The following NRG3 variants were observed in gnomAD, a reference collection of about 807,000 sequenced individuals.
NRG3 encodes pro-neuregulin-3, membrane-bound isoform.
A neutral mutation model predicts 66.9 loss-of-function variants in NRG3; 31 were observed. That is an observed-to-expected ratio of 0.46 (90% CI 0.35 to 0.63). The LOEUF is 0.63. NRG3 is among the 20% of genes least tolerant of loss of function. The probability of loss-of-function intolerance (pLI) is 0.00; values close to 1 mark genes in which losing one functional copy is unlikely to be tolerated. For synonymous variants in NRG3, 393 were observed against 359.4 expected, an observed-to-expected ratio of 1.09 and a Z score of -1.06; for missense variants, 910 against 878.9, an observed-to-expected ratio of 1.04 and a Z score of -0.45.
intron 2 of NRG3, among the ~76,000 whole-genome samples, chr10:82,359,964 G>A (rs1168667534): frequency 6.6e-6 from 1 of 152,122 alleles, no homozygotes; most frequent in Non-Finnish European, 1.5e-5. Context: ...GCCACACTGA[G>A]CAATGGCACA....
intron 4 of NRG3, among the ~76,000 whole-genome samples, chr10:82,877,780 G>A (rs1304668815): frequency 2.0e-5 from 3 of 152,256 alleles, no homozygotes; most frequent in African/African-American, 7.2e-5. Context: ...GTCAGATGAA[G>A]ATGTCCCAAA....
intron 1 of NRG3, among the ~76,000 whole-genome samples, chr10:81,948,231 A>C (rs1849021498): frequency 6.6e-6 from 1 of 152,282 alleles, no homozygotes; most frequent in South Asian, 2.1e-4. Context: ...TCACAACAAC[A>C]TTGAGGGAAA....
rs763127200 is a variant in NRG3 at position 82,358,726 on chromosome 10, C to T, written c.824-13C>T. 1 of 1,614,024 alleles carries T rather than the reference C, an allele frequency of 6.2e-7. No homozygotes were observed. The highest frequency in any genetic ancestry group is 1.1e-5 in the South Asian group (1 of 91,076). On this transcript the variant is annotated splice_polypyrimidine_tract_variant and intron_variant, in intron 1 of 8. Transcript: ENST00000372141. ...ACTGCTGACAGCGTTTCCCCCTGTG[C>T]TTTCCCTGACAGATACGACGACATA...
At chr10:82,034,568 G>A (rs975025618) in intron 1 of NRG3, among the ~76,000 whole-genome samples, 1 of 151,928 alleles carries the variant, frequency 6.6e-6, no homozygotes, top group Non-Finnish European at 1.5e-5. Flanking sequence ...TGATTTCATA[G>A]AGCTGAGGTG....
chr10:82,098,357 A>G (rs2066508329), intron 1 of NRG3, among the ~76,000 whole-genome samples: 1 of 151,982 alleles, frequency 6.6e-6, no homozygotes, highest in South Asian at 2.1e-4. Flanking sequence ...TGACATCTAT[A>G]TGACATCTGT....
At chr10:82,833,902 C>T (rs955544184) in intron 3 of NRG3, among the ~76,000 whole-genome samples, 1 of 152,124 alleles carries the variant, frequency 6.6e-6, no homozygotes, top group African/African-American at 2.4e-5. Context: ...ATTTAATATT[C>T]CTGTCTCTTA....
chr10:82,886,673 A>G (rs1842743274), intron 4 of NRG3, among the ~76,000 whole-genome samples: 2 of 152,180 alleles, frequency 1.3e-5, no homozygotes, highest in Non-Finnish European at 1.5e-5. Context: ...TCAGTCTGTA[A>G]TCCAGATTCT....
intron 1 of NRG3, among the ~76,000 whole-genome samples, chr10:82,179,974 CTAAG>C (rs1410597117): frequency 4.0e-5 from 6 of 151,524 alleles, no homozygotes; most frequent in South Asian, 2.1e-4. Flanking sequence ...AACTTTATTC[CTAAG>C]TGTTTTATTA....
Position 82,541,498 on chromosome 10 carries a change from G to A in NRG3, c.953+182630G>A, listed in dbSNP as rs1001735149. 3.3e-5 allele frequency among the ~76,000 whole-genome samples: 5 copies of A among 152,208 alleles called. No homozygotes were observed. In the East Asian group the frequency reaches 9.7e-4, roughly 30 times the overall value. On this transcript the variant is annotated intron_variant, in intron 2 of 8. Coordinates refer to ENST00000372141, the MANE Select transcript of NRG3 (RefSeq NM_001010848.4). ...ATGTGAGAGGGTCGTGATCGATTGA[G>A]CAAGCAGGGGGTACGTGACTGGGGG...
chr10:82,471,163 A>T (rs1377920882), intron 2 of NRG3, among the ~76,000 whole-genome samples: 1 of 152,152 alleles, frequency 6.6e-6, no homozygotes, highest in Non-Finnish European at 1.5e-5. Flanking sequence ...TTATTGGATG[A>T]AAAGGGGAAA....
chr10:82,893,271 A>G (rs1843330312), intron 4 of NRG3, among the ~76,000 whole-genome samples: 1 of 152,236 alleles, frequency 6.6e-6, no homozygotes, highest in Non-Finnish European at 1.5e-5. Flanking sequence ...ACAGTGGAAT[A>G]AAGTTAAAAA....
chr10:82,493,977 CAT>C (rs748214690), intron 2 of NRG3, among the ~76,000 whole-genome samples: 12 of 152,144 alleles, frequency 7.9e-5, no homozygotes, highest in Non-Finnish European at 1.3e-4. Flanking sequence ...AGCCAATAAA[CAT>C]ATGACAAAAA....
Position 82,019,185 on chromosome 10 carries a change from T to G in NRG3, c.823+143022T>G, listed in dbSNP as rs186998166. Among the ~76,000 whole-genome samples the G allele has an allele frequency of 3.5e-3, 539 of 152,310 alleles. 3 individuals are homozygous for G. The highest frequency in any genetic ancestry group is 5.3e-3 in the Non-Finnish European group (358 of 68,022). The stretch of plus-strand genomic sequence containing the variant: ...TGTCAGAGGCCTTTTCTGCATCTAT[T>G]GAGATAATCATGTGGTTTTTGTCTT... On this transcript the variant is annotated intron_variant, in intron 1 of 8. Coordinates refer to ENST00000372141, the MANE Select transcript of NRG3 (RefSeq NM_001010848.4).
At chr10:82,441,527 A>G (rs2090430835) in intron 2 of NRG3, among the ~76,000 whole-genome samples, 2 of 152,212 alleles carry the variant, frequency 1.3e-5, no homozygotes, top group South Asian at 4.1e-4. Context: ...TTGTATAAAT[A>G]TCAGTACTTT....
chr10:82,103,774 T>C (rs1348592695), intron 1 of NRG3, among the ~76,000 whole-genome samples: 1 of 152,110 alleles, frequency 6.6e-6, no homozygotes, highest in Non-Finnish European at 1.5e-5. Context: ...ATGGGTTTTT[T>C]CCTTTGGCTT....
chr10:82,523,762 G>A (rs988727384), intron 2 of NRG3, among the ~76,000 whole-genome samples: 2 of 151,942 alleles, frequency 1.3e-5, no homozygotes, highest in African/African-American at 4.8e-5. Flanking sequence ...GTCTCCATAA[G>A]GTATTTTCCA....
intron 4 of NRG3, among the ~76,000 whole-genome samples, chr10:82,899,025 A>G (rs540508213): frequency 1.2e-4 from 18 of 151,946 alleles, no homozygotes; most frequent in Non-Finnish European, 2.2e-4. Flanking sequence ...TTTTTATTTC[A>G]TTGGTTACAC....
At chr10:82,873,372 T>C (rs1591794569) in intron 4 of NRG3, among the ~76,000 whole-genome samples, 1 of 152,114 alleles carries the variant, frequency 6.6e-6, no homozygotes, top group Admixed American at 6.6e-5. Flanking sequence ...AGGGAAAATA[T>C]AGATTTTTAC....
At chr10:82,964,119 T>A (rs1421858744) in intron 6 of NRG3, among the ~76,000 whole-genome samples, 2 of 152,244 alleles carry the variant, frequency 1.3e-5, no homozygotes, top group Non-Finnish European at 2.9e-5. Flanking sequence ...TACTTAAATA[T>A]AGACTAAAGA....
Sources: gnomAD v4.1 joint callset for allele counts (sites outside exome capture counted in the v4.1 genomes callset) on GRCh38, gnomAD v4.1.1 for gene constraint, MANE v1.5 for transcripts, NCBI Gene and HGNC (gene_info 2026-07-23, HGNC 2026-07-21) for gene names.